The following AK9 variants were observed in gnomAD, a reference collection of about 807,000 sequenced individuals.
The protein encoded by AK9 is adenylate kinase 9, also known as adenylate kinase domain containing 1.
In AK9, 191 loss-of-function variants were observed where a neutral mutation model predicts 239.6. That is an observed-to-expected ratio of 0.80 (90% CI 0.71 to 0.90). AK9 has a LOEUF of 0.90. Ranked by LOEUF, AK9 falls within the 40% of genes least tolerant of loss-of-function variation. AK9 has a pLI of 0.00. For synonymous variants in AK9, 689 were observed against 721.0 expected (o/e 0.96, Z 0.71); for missense variants, 1,995 against 2,214.7 (o/e 0.90, Z 1.99).
intron 24 of AK9, among the ~76,000 whole-genome samples, chr6:109,559,839 C>G (rs1283521814): frequency 6.6e-6 from 1 of 152,154 alleles, no homozygotes; most frequent in Non-Finnish European, 1.5e-5. Context: ...TTTTGGAGAT[C>G]AGAATCCCAG....
At position 109,550,321 on chromosome 6, in the gene AK9, G is replaced by A; in HGVS notation, c.2752-19C>T. 6.3e-7 allele frequency: 1 copy of A among 1,586,412 alleles called. No individual in the cohort carries two copies. The highest frequency in any genetic ancestry group is 1.4e-5 in the African/African-American group (1 of 73,710). On this transcript the variant is annotated intron_variant, in intron 24 of 40. Coordinates refer to ENST00000424296, the MANE Select transcript of AK9 (RefSeq NM_001145128.3). The stretch of plus-strand genomic sequence containing the variant: ...CTTCACCCTAGAAACGGTATTCAAA[G>A]TTTGGAGAACATTAAACTAAAAAAG...
At chr6:109,532,719 A>C (rs1781441229) in intron 28 of AK9, among the ~76,000 whole-genome samples, 1 of 152,174 alleles carries the variant, frequency 6.6e-6, no homozygotes, top group Admixed American at 6.6e-5. Context: ...ATTCACATAT[A>C]ACTTTTTATG....
At chr6:109,633,960 A>C (rs1796421777) in intron 10 of AK9, among the ~76,000 whole-genome samples, 2 of 152,166 alleles carry the variant, frequency 1.3e-5, no homozygotes. Context: ...ATGCTTACTT[A>C]ACCATATGAT....
At chr6:109,618,427 C>CAAA (rs1239486040) in intron 13 of AK9, among the ~76,000 whole-genome samples, 1 of 100,804 alleles carries the variant, frequency 9.9e-6, no homozygotes, top group Non-Finnish European at 2.2e-5. Context: ...TGGAGAAAAA[C>CAAA]AGAAAAAAAA....
At chr6:109,541,730 G>C (rs1582919703) in intron 27 of AK9, among the ~76,000 whole-genome samples, 1 of 152,314 alleles carries the variant, frequency 6.6e-6, no homozygotes, top group East Asian at 1.9e-4. Context: ...TTTTAATGGT[G>C]CATAATATTT....
intron 13 of AK9, among the ~76,000 whole-genome samples, chr6:109,615,363 G>C (rs1353592219): frequency 6.7e-6 from 1 of 150,270 alleles, no homozygotes; most frequent in Admixed American, 6.7e-5. Flanking sequence ...CTAGAATAAA[G>C]TCTAATACAA....
chr6:109,550,332 A>G (rs1784212418), intron 24 of AK9, 30 bp from the exon 25 acceptor site: 1 of 1,562,266 alleles, frequency 6.4e-7, no homozygotes, highest in Non-Finnish European at 8.6e-7. Context: ...TTTGGAGAAC[A>G]TTAAACTAAA....
At chr6:109,577,693 T>A (rs1252303194) in intron 20 of AK9, among the ~76,000 whole-genome samples, 1 of 152,144 alleles carries the variant, frequency 6.6e-6, no homozygotes, top group East Asian at 1.9e-4. Flanking sequence ...TTCTATTTCT[T>A]CCTGATTTAA....
At chr6:109,532,478 T>C (rs1486102063) in intron 28 of AK9, among the ~76,000 whole-genome samples, 4 of 152,212 alleles carry the variant, frequency 2.6e-5, no homozygotes, top group Non-Finnish European at 5.9e-5. Flanking sequence ...TTTCAGGGCA[T>C]GTCATGTAAA....
rs181181148 is a variant in AK9 at position 109,540,042 on chromosome 6, C to T, written c.3350+2005G>A. Among the ~76,000 whole-genome samples, 77 of 152,218 alleles carry T rather than the reference C, an allele frequency of 5.1e-4. 1 individual carries two copies. Among genetic ancestry groups the T allele is most frequent in the African/African-American group, 1.7e-3 (71 of 41,554 alleles). On this transcript the variant is annotated intron_variant, in intron 27 of 40. Coordinates refer to ENST00000424296, the MANE Select transcript of AK9 (RefSeq NM_001145128.3). ...GGGGGTGCCTCCCAGTTAGGGTACT[C>T]GGGGGTCAGGGACCCACTTGAGGAG...
Position 109,528,998 on chromosome 6 carries a change from C to G in AK9, c.3633+13G>C, listed in dbSNP as rs72613250. On this transcript the variant is annotated intron_variant, in intron 29 of 40. Transcript: ENST00000424296. ...TGAGACCCTGTTTTGAAAAAAAAAA[C>G]AAAACTACTTACCTCCCTCCTTTTT... 3 of 664,400 alleles carry G rather than the reference C, an allele frequency of 4.5e-6. No homozygotes were observed. The highest frequency in any genetic ancestry group is 5.8e-6 in the Non-Finnish European group (3 of 518,336). The allele number at this position is 664,400 out of a possible 1,614,324, so 41.2% of individuals were successfully genotyped here. A position where few individuals can be genotyped will look rare whatever the true frequency, so the allele number is the denominator to read the frequency against.
At position 109,506,462 on chromosome 6, in the gene AK9, A is replaced by G. The variant is rs756426809; in HGVS notation, c.4714T>C (p.Tyr1572His). ...CAGTTCTGATGCTGTTCTTGATAAT[A>G]TTGCCTAATCTCACCAATATTTTTG... ...YRKNIGEIRQ[Y>H]YQEQHQNWYV... is the part of the protein sequence containing the mutation. Residue 1572 changes from tyrosine to histidine, a missense_variant, in exon 35 of 41, where the codon TAT becomes CAT. Coordinates refer to ENST00000424296, the MANE Select transcript of AK9 (RefSeq NM_001145128.3). 1 of 1,613,742 alleles carries G rather than the reference A, an allele frequency of 6.2e-7. No individual in the cohort carries two copies. The highest frequency in any genetic ancestry group is 1.1e-5 in the South Asian group (1 of 91,072).
chr6:109,632,876 T>TAGAC (rs1796256280), intron 12 of AK9, 47 bp downstream of exon 12: 3 of 1,559,250 alleles, frequency 1.9e-6, no homozygotes, highest in Non-Finnish European at 2.6e-6. Flanking sequence ...GATAGATAGA[T>TAGAC]AGATAGATAG....
At chr6:109,588,761 G>A (rs1789850780) in intron 17 of AK9, among the ~76,000 whole-genome samples, 1 of 152,094 alleles carries the variant, frequency 6.6e-6, no homozygotes, top group Non-Finnish European at 1.5e-5. Context: ...TATCTGGTGA[G>A]AGATAGGGGT....
At chr6:109,493,713 T>C (rs1776753381) in intron 40 of AK9, 142 bp from the exon 41 acceptor site, 1 of 837,280 alleles carries the variant, frequency 1.2e-6, no homozygotes, top group African/African-American at 1.7e-5. Flanking sequence ...CTGGAGATTA[T>C]TCTGTTTTAG....
intron 19 of AK9, among the ~76,000 whole-genome samples, chr6:109,581,226 C>T (rs1788820489): frequency 6.6e-6 from 1 of 152,040 alleles, no homozygotes; most frequent in African/African-American, 2.4e-5. Flanking sequence ...CCTACAATGG[C>T]CTCCAGCTTT....
At position 109,499,006 on chromosome 6, in the gene AK9, T is replaced by A. The variant is rs781149774; in HGVS notation, c.5046+38A>T. The A allele has an allele frequency of 8.6e-6, 12 of 1,389,474 alleles. No homozygotes were observed. The Admixed American group carries it at 3.2e-4, about 37-fold the overall frequency. The allele number at this position is 1,389,474 out of a possible 1,614,324, so 86.1% of individuals were successfully genotyped here. ...ATTGATTCCAAGATAAGACATTTTC[T>A]TTCTTTAGTAAATATTTGGAGTTAG... On this transcript the variant is annotated intron_variant, in intron 36 of 40. Coordinates refer to ENST00000424296, the MANE Select transcript of AK9 (RefSeq NM_001145128.3).
At position 109,659,338 on chromosome 6, in the gene AK9, C is replaced by T; in HGVS notation, c.520G>A (p.Asp174Asn). The T allele has an allele frequency of 6.2e-7, 1 of 1,610,738 alleles. No homozygotes were observed. Among genetic ancestry groups the T allele is most frequent in the Non-Finnish European group, 8.5e-7 (1 of 1,179,130 alleles). ...TCAATGACTTCAGGATCCCACTGGT[C>T]TCTACTGTATATGTATCCCGTATTA... Reference protein sequence around the residue: ...HNNTGYIYSRDQWDPEVIENH... With the variant: ...HNNTGYIYSRNQWDPEVIENH... Residue 174 changes from aspartate (D) to asparagine (N), a missense_variant, in exon 7 of 41, where the codon GAC becomes AAC. Transcript: ENST00000424296.
chr6:109,545,536 G>T (rs1783436486), intron 26 of AK9, among the ~76,000 whole-genome samples: 1 of 152,182 alleles, frequency 6.6e-6, no homozygotes, highest in South Asian at 2.1e-4. Context: ...CTCTTTGCCT[G>T]CTGCCATCCA....
Sources: allele counts gnomAD v4.1 joint callset (sites outside exome capture counted in the v4.1 genomes callset), GRCh38; gene constraint gnomAD v4.1.1; transcripts MANE v1.5; gene names NCBI Gene and HGNC (gene_info 2026-07-23, HGNC 2026-07-21).